Variants in ANKS1B observed in about 807,000 individuals in gnomAD.
ANKS1B encodes ankyrin repeat and sterile alpha motif domain-containing protein 1B.
A neutral mutation model predicts 148.3 loss-of-function variants in ANKS1B; 36 were observed. The ratio of observed to expected loss-of-function variants is 0.24; its 90% CI spans 0.19 to 0.32. The LOEUF (loss-of-function observed/expected upper bound fraction) is 0.32, where lower values mean the gene tolerates loss of function less well. Among genes scored for constraint, ANKS1B ranks in the 10% least tolerant of loss-of-function variants. The pLI is 1.00. For missense variants in ANKS1B, 1,157 were observed against 1,542.6 expected, an observed-to-expected ratio of 0.75 and a Z score of 4.19; for synonymous variants, 542 against 560.8, an observed-to-expected ratio of 0.97 and a Z score of 0.47.
chr12:99,766,051 A>G (rs2062615314), intron 8 of ANKS1B, among the ~76,000 whole-genome samples: 1 of 152,204 alleles, frequency 6.6e-6, no homozygotes, highest in Non-Finnish European at 1.5e-5. Context: ...ATTGCTGGGA[A>G]AAACCTCCAC....
intron 17 of ANKS1B, among the ~76,000 whole-genome samples, chr12:98,999,785 T>G (rs1270834692): frequency 6.6e-6 from 1 of 152,198 alleles, no homozygotes; most frequent in Non-Finnish European, 1.5e-5. Flanking sequence ...GTGGTTGGGC[T>G]GGGCTCTCCA....
chr12:99,521,070 C>G (rs1018164641), intron 9 of ANKS1B, among the ~76,000 whole-genome samples: 1 of 152,128 alleles, frequency 6.6e-6, no homozygotes, highest in Non-Finnish European at 1.5e-5. Flanking sequence ...GCTGGGATTA[C>G]AGACATGAGC....
intron 1 of ANKS1B, among the ~76,000 whole-genome samples, chr12:99,849,061 G>C (rs1302708519): frequency 6.6e-6 from 1 of 152,106 alleles, no homozygotes; most frequent in African/African-American, 2.4e-5. Flanking sequence ...GATGAAGTGA[G>C]ACAAGGGTTG....
intron 9 of ANKS1B, among the ~76,000 whole-genome samples, chr12:99,624,946 A>G (rs933462260): frequency 1.3e-5 from 2 of 152,108 alleles, no homozygotes; most frequent in Non-Finnish European, 2.9e-5. Context: ...ACCTGCGCTC[A>G]TATGTTTATC....
At chr12:98,923,708 A>T (rs1410059170) in intron 17 of ANKS1B, among the ~76,000 whole-genome samples, 1 of 152,200 alleles carries the variant, frequency 6.6e-6, no homozygotes, top group African/African-American at 2.4e-5. Context: ...TTTAAAAAAA[A>T]TAAAGAATTC....
chr12:99,139,381 C>CCTTTCTTTCTTTCTTTCTTT (rs1172790560), intron 15 of ANKS1B, among the ~76,000 whole-genome samples: 2 of 336 alleles, frequency 6.0e-3, no homozygotes, highest in Non-Finnish European at 8.4e-3. Flanking sequence ...CTCCCTCCCT[C>CCTTTCTTTCTTTCTTTCTTT]CTTTCTTTCT....
chr12:99,334,225 G>A (rs1213078736), intron 12 of ANKS1B, among the ~76,000 whole-genome samples: 1 of 143,776 alleles, frequency 7.0e-6, no homozygotes, highest in Non-Finnish European at 1.6e-5. Flanking sequence ...TACATAGAAA[G>A]ATAGAAGCAC....
chr12:99,246,609 C>T lies in ANKS1B; in HGVS notation c.2012G>A (p.Arg671Lys). The change falls in exon 13 of 27, where the codon AGA becomes AAA. Residue 671 changes from arginine to lysine, a missense_variant. Transcript: ENST00000683438. ...VKKIKPKVVS[R>K]TIFHKKSNQL... Reference sequence around the variant, plus strand: ...GTTGCTTTTTTTGTGAAAAATTGTTCTACTGACCACTTTGGGTTTAATTTT... The same window carrying T: ...GTTGCTTTTTTTGTGAAAAATTGTTTTACTGACCACTTTGGGTTTAATTTT... 1 of 1,613,374 alleles carries T rather than the reference C, an allele frequency of 6.2e-7. No homozygotes were observed. Among genetic ancestry groups the T allele is most frequent in the Non-Finnish European group, 8.5e-7 (1 of 1,179,616 alleles).
intron 1 of ANKS1B, among the ~76,000 whole-genome samples, chr12:99,950,736 C>G (rs188573606): frequency 1.3e-5 from 2 of 152,210 alleles, no homozygotes; most frequent in African/African-American, 4.8e-5. Flanking sequence ...AACCACCCCC[C>G]CCAATAACCC....
At chr12:99,045,906 T>C (rs79532802) in intron 17 of ANKS1B, among the ~76,000 whole-genome samples, 37 of 152,296 alleles carry the variant, frequency 2.4e-4, no homozygotes, top group African/African-American at 7.5e-4. Context: ...CCAGGTAGAC[T>C]AGCGTGGCTA....
chr12:99,188,262 C>A (rs986859116), intron 14 of ANKS1B, among the ~76,000 whole-genome samples: 1 of 152,168 alleles, frequency 6.6e-6, no homozygotes, highest in Non-Finnish European at 1.5e-5. Context: ...TTTAACACCC[C>A]ACTGTCAATA....
intron 9 of ANKS1B, among the ~76,000 whole-genome samples, chr12:99,518,088 C>T (rs1442554669): frequency 2.6e-5 from 4 of 152,184 alleles, no homozygotes; most frequent in African/African-American, 9.6e-5. Context: ...CATGATAAAA[C>T]ATCTTTTTAA....
Position 99,293,602 on chromosome 12 carries a change from C to T in ANKS1B, c.1757-46738G>A, listed in dbSNP as rs548443599. Among the ~76,000 whole-genome samples the T allele has an allele frequency of 2.0e-5, 3 of 152,252 alleles. No homozygotes were observed. The South Asian group carries it at 6.2e-4, about 32-fold the overall frequency. On this transcript the variant is annotated intron_variant, in intron 12 of 26. Coordinates refer to ENST00000683438, the MANE Select transcript of ANKS1B (RefSeq NM_001352186.2). ...AAGAAAATGGGGAAACTCTCCAGGA[C>T]ATTGGACTGGGTAAAAGTTTCTTGA...
rs73373995 is a variant in ANKS1B at position 99,440,275 on chromosome 12, T to G, written c.1575+3398A>C. Among the ~76,000 whole-genome samples the G allele has an allele frequency of 4.2e-3, 637 of 152,004 alleles. 4 individuals are homozygous for G. The highest frequency in any genetic ancestry group is 0.014 in the African/African-American group (563 of 41,544). On this transcript the variant is annotated intron_variant, in intron 11 of 26. Coordinates refer to ENST00000683438, the MANE Select transcript of ANKS1B (RefSeq NM_001352186.2). ...TCAAGCTATATACTTAAGATCTGTGTATTTGATTCTTCAATTGTGAAAAAC... is the reference window on the plus strand; with the variant it reads ...TCAAGCTATATACTTAAGATCTGTGGATTTGATTCTTCAATTGTGAAAAAC...
intron 9 of ANKS1B, among the ~76,000 whole-genome samples, chr12:99,577,996 A>T (rs1282276279): frequency 1.3e-5 from 2 of 152,146 alleles, no homozygotes; most frequent in African/African-American, 2.4e-5. Context: ...AACCAAATCC[A>T]GCTGTGATCA....
At chr12:99,879,446 T>A (rs1186553376) in intron 1 of ANKS1B, among the ~76,000 whole-genome samples, 1 of 152,182 alleles carries the variant, frequency 6.6e-6, no homozygotes, top group South Asian at 2.1e-4. Flanking sequence ...CTAGTAGGGA[T>A]GACTGAAAAA....
At chr12:99,679,610 G>A (rs941788497) in intron 8 of ANKS1B, among the ~76,000 whole-genome samples, 2 of 151,804 alleles carry the variant, frequency 1.3e-5, no homozygotes, top group Non-Finnish European at 1.5e-5. Flanking sequence ...ATGACTGTCC[G>A]AACTCTAACA....
chr12:99,375,215 C>A (rs1050963885), intron 12 of ANKS1B, among the ~76,000 whole-genome samples: 3 of 152,172 alleles, frequency 2.0e-5, no homozygotes, highest in Non-Finnish European at 4.4e-5. Context: ...CAGTTCTGTA[C>A]ATTGTAGGAT....
At chr12:99,953,620 CA>C (rs2095266491) in intron 1 of ANKS1B, among the ~76,000 whole-genome samples, 1 of 148,606 alleles carries the variant, frequency 6.7e-6, no homozygotes, top group African/African-American at 2.5e-5. Flanking sequence ...AGCAAGAGTA[CA>C]AAAGGAAAGA....
Sources: gnomAD v4.1 joint callset for allele counts (sites outside exome capture counted in the v4.1 genomes callset) on GRCh38, gnomAD v4.1.1 for gene constraint, MANE v1.5 for transcripts, NCBI Gene and HGNC (gene_info 2026-07-23, HGNC 2026-07-21) for gene names.